Variants in CSMD1 observed in about 807,000 individuals in gnomAD.
CSMD1 encodes the protein CUB and sushi domain-containing protein 1.
CSMD1 carries 213 observed loss-of-function variants against 417.5 expected under a neutral mutation model. The observed-to-expected ratio is 0.51, with a 90% CI of 0.46 to 0.57. The LOEUF is 0.57. Among genes scored for constraint, CSMD1 ranks in the 20% least tolerant of loss-of-function variants. CSMD1 has a pLI of 0.00. For missense variants in CSMD1, 6,923 were observed against 4,529.7 expected (o/e 1.53, Z -15.17); for synonymous variants, 2,862 against 1,736.8 (o/e 1.65, Z -16.11).
Position 4,110,515 on chromosome 8 carries a change from G to A in CSMD1, c.416-78416C>T, listed in dbSNP as rs553523681. Reference sequence around the variant, plus strand: ...TTCATATATTATTTTCCCCTAGCGTGTGCAAGTTAAGGATTTTCATTTGTA... The same window carrying A: ...TTCATATATTATTTTCCCCTAGCGTATGCAAGTTAAGGATTTTCATTTGTA... On this transcript the variant is annotated intron_variant, in intron 3 of 69. Coordinates refer to ENST00000635120, the MANE Select transcript of CSMD1 (RefSeq NM_033225.6). 3.9e-5 allele frequency among the ~76,000 whole-genome samples: 6 copies of A among 152,200 alleles called. No homozygotes were observed. The South Asian group carries it at 6.2e-4, about 16-fold the overall frequency.
chr8:3,731,640 A>T (rs1035843516), intron 6 of CSMD1, among the ~76,000 whole-genome samples: 2 of 152,186 alleles, frequency 1.3e-5, no homozygotes, highest in Non-Finnish European at 2.9e-5. Context: ...GCACTGAAAG[A>T]AGATAGGAAT....
At chr8:3,314,417 C>G (rs545768502) in intron 23 of CSMD1, among the ~76,000 whole-genome samples, 2 of 152,072 alleles carry the variant, frequency 1.3e-5, no homozygotes, top group South Asian at 2.1e-4. Flanking sequence ...AGAAGGTATC[C>G]TTTTCTATCT....
intron 1 of CSMD1, among the ~76,000 whole-genome samples, chr8:4,750,778 G>A (rs1403349265): frequency 6.6e-6 from 1 of 151,730 alleles, no homozygotes; most frequent in South Asian, 2.1e-4. Context: ...AGTAGTATTA[G>A]CATAAAATGT....
chr8:3,665,820 G>A (rs757487402), intron 7 of CSMD1, among the ~76,000 whole-genome samples: 1 of 152,138 alleles, frequency 6.6e-6, no homozygotes, highest in African/African-American at 2.4e-5. Context: ...TCTCTTGAAT[G>A]ATCAACCCAA....
chr8:3,656,656 G>C (rs1167149880), intron 7 of CSMD1, among the ~76,000 whole-genome samples: 3 of 152,164 alleles, frequency 2.0e-5, no homozygotes, highest in South Asian at 2.1e-4. Flanking sequence ...GGCCAGGCGT[G>C]GTGGCTCACG....
rs77385561 is a variant in CSMD1 at position 4,251,397 on chromosome 8, A to G, written c.415+168556T>C. ...TTTAAAAGCTTTGATGTCCTCCTAT[A>G]AAGTTCTTGTATTTTGAGCAATAAC... On this transcript the variant is annotated intron_variant, in intron 3 of 69. Coordinates refer to ENST00000635120, the MANE Select transcript of CSMD1 (RefSeq NM_033225.6). 5.9e-3 allele frequency among the ~76,000 whole-genome samples: 898 copies of G among 152,314 alleles called. 4 individuals carry two copies. Among genetic ancestry groups the G allele is most frequent in the Non-Finnish European group, 9.5e-3 (644 of 68,014 alleles).
At chr8:4,326,773 G>A (rs146908520) in intron 3 of CSMD1, among the ~76,000 whole-genome samples, 44 of 152,184 alleles carry the variant, frequency 2.9e-4, no homozygotes, top group African/African-American at 6.7e-4. Context: ...GATGAGGTAC[G>A]CAGAAATGGA....
At chr8:4,015,582 G>A (rs146800759) in intron 4 of CSMD1, among the ~76,000 whole-genome samples, 1 of 150,580 alleles carries the variant, frequency 6.6e-6, no homozygotes, top group East Asian at 2.0e-4. Context: ...GTTATTTAGT[G>A]GCATCTTGGC....
intron 5 of CSMD1, among the ~76,000 whole-genome samples, chr8:3,966,188 C>G (rs898771525): frequency 1.5e-4 from 23 of 152,046 alleles, no homozygotes; most frequent in African/African-American, 5.6e-4. Flanking sequence ...TCTAAGGTAC[C>G]ACGGTATAAA....
intron 3 of CSMD1, among the ~76,000 whole-genome samples, chr8:4,128,494 C>CAAA (rs1563159866): frequency 2.6e-5 from 4 of 152,292 alleles, no homozygotes; most frequent in South Asian, 2.1e-4. Flanking sequence ...TTTAAAACAA[C>CAAA]CAAACAAACA....
intron 3 of CSMD1, among the ~76,000 whole-genome samples, chr8:4,187,295 T>G (rs993596128): frequency 6.6e-6 from 1 of 152,172 alleles, no homozygotes; most frequent in Admixed American, 6.5e-5. Context: ...GCTCTTTCAG[T>G]CATAGGAAAG....
chr8:4,220,837 A>T (rs758551509), intron 3 of CSMD1, among the ~76,000 whole-genome samples: 3 of 152,242 alleles, frequency 2.0e-5, no homozygotes, highest in Non-Finnish European at 2.9e-5. Flanking sequence ...CTGAGTGAGA[A>T]CTACAAGAGG....
At chr8:4,539,804 C>T (rs550263582) in intron 2 of CSMD1, among the ~76,000 whole-genome samples, 1 of 152,144 alleles carries the variant, frequency 6.6e-6, no homozygotes, top group Non-Finnish European at 1.5e-5. Context: ...GTTTATTTTC[C>T]ATATGGGTTA....
intron 1 of CSMD1, among the ~76,000 whole-genome samples, chr8:4,799,501 G>C (rs918897815): frequency 6.7e-6 from 1 of 148,504 alleles, no homozygotes; most frequent in Admixed American, 6.8e-5. Flanking sequence ...CTAGAGCCTG[G>C]GGCAGGAGAA....
intron 2 of CSMD1, among the ~76,000 whole-genome samples, chr8:4,497,711 C>A (rs139773766): frequency 6.6e-6 from 1 of 152,282 alleles, no homozygotes; most frequent in East Asian, 1.9e-4. Context: ...AGTGTGCAAG[C>A]TAAAAATACA....
intron 12 of CSMD1, among the ~76,000 whole-genome samples, chr8:3,438,317 T>C (rs1814707829): frequency 6.6e-6 from 1 of 152,194 alleles, no homozygotes; most frequent in Non-Finnish European, 1.5e-5. Context: ...AAAACTGTAT[T>C]ATAACATCAC....
intron 27 of CSMD1, among the ~76,000 whole-genome samples, chr8:3,226,533 G>T (rs942663783): frequency 1.4e-5 from 2 of 140,538 alleles, no homozygotes; most frequent in African/African-American, 5.4e-5. Context: ...AGTGAGCTGA[G>T]ATCACACCAC....
chr8:3,791,820 A>T (rs931326829), intron 5 of CSMD1, among the ~76,000 whole-genome samples: 1 of 142,550 alleles, frequency 7.0e-6, no homozygotes, highest in African/African-American at 2.8e-5. Flanking sequence ...AAGACTCAGT[A>T]TCAAATAATA....
intron 3 of CSMD1, among the ~76,000 whole-genome samples, chr8:4,210,750 A>T (rs1418597128): frequency 6.6e-6 from 1 of 152,320 alleles, no homozygotes; most frequent in East Asian, 1.9e-4. Context: ...CAACATACTG[A>T]AATATGAAAG....
Sources: allele counts gnomAD v4.1 joint callset (sites outside exome capture counted in the v4.1 genomes callset), GRCh38; gene constraint gnomAD v4.1.1; transcripts MANE v1.5; gene names NCBI Gene and HGNC (gene_info 2026-07-23, HGNC 2026-07-21).